Variants in ENTREP2 observed in about 807,000 individuals in gnomAD.
The protein encoded by ENTREP2 is endosomal transmembrane epsin interactor 2, also known as protein ENTREP2.
At chr15:29,472,842 T>C in the ENTREP2 span, among the ~76,000 whole-genome samples, 14 of 152,240 alleles carry the variant, frequency 9.2e-5, no homozygotes, top group African/African-American at 3.4e-4. Context: ...ATCTCCCTTT[T>C]ATCCATTTTT....
chr15:29,376,426 C>T, the ENTREP2 span: 1 of 151,986 alleles, frequency 6.6e-6, no homozygotes, highest in African/African-American at 2.4e-5. Flanking sequence ...ACAATGATCT[C>T]AATCATAGAA....
the ENTREP2 span, among the ~76,000 whole-genome samples, chr15:29,642,487 A>G: frequency 3.4e-5 from 5 of 147,522 alleles, no homozygotes; most frequent in Non-Finnish European, 4.5e-5. Context: ...ATACACATAT[A>G]TACATATATA....
At chr15:29,118,834 G>A in the ENTREP2 span, among the ~76,000 whole-genome samples, 2 of 152,166 alleles carry the variant, frequency 1.3e-5, no homozygotes, top group South Asian at 2.1e-4. Flanking sequence ...CCGTTCTGGT[G>A]TCACCTGGTG....
the ENTREP2 span, among the ~76,000 whole-genome samples, chr15:29,153,087 C>A: frequency 1.3e-5 from 2 of 150,770 alleles, no homozygotes; most frequent in African/African-American, 4.9e-5. Context: ...TAGAGATCCT[C>A]TTTGGTAAAA....
At chr15:29,435,545 C>A in the ENTREP2 span, among the ~76,000 whole-genome samples, 1 of 151,934 alleles carries the variant, frequency 6.6e-6, no homozygotes, top group African/African-American at 2.4e-5. Context: ...GCCTTCAAAC[C>A]ATCTTTATAG....
the ENTREP2 span, among the ~76,000 whole-genome samples, chr15:29,558,540 C>A: frequency 1.3e-5 from 2 of 151,000 alleles, no homozygotes; most frequent in Non-Finnish European, 3.0e-5. Context: ...TCAAACCCTT[C>A]ACCCAGGTGG....
At chr15:29,169,701 G>C in the ENTREP2 span, among the ~76,000 whole-genome samples, 1 of 152,210 alleles carries the variant, frequency 6.6e-6, no homozygotes, top group African/African-American at 2.4e-5. Context: ...AATCTCAATA[G>C]ATGCAAAATA....
At chr15:29,617,223 G>A in the ENTREP2 span, among the ~76,000 whole-genome samples, 2 of 152,146 alleles carry the variant, frequency 1.3e-5, no homozygotes, top group Non-Finnish European at 2.9e-5. Context: ...AGAGAACCTG[G>A]GGAGCTTATG....
chr15:29,654,749 G>A, the ENTREP2 span, among the ~76,000 whole-genome samples: 2 of 152,154 alleles, frequency 1.3e-5, no homozygotes, highest in Non-Finnish European at 2.9e-5. Flanking sequence ...GAACTTTCTT[G>A]ATAAAGTGTT....
At chr15:29,241,857 A>ACC in the ENTREP2 span, among the ~76,000 whole-genome samples, 6 of 150,250 alleles carry the variant, frequency 4.0e-5, no homozygotes, top group South Asian at 2.1e-4. Context: ...ATACAGTGAG[A>ACC]CCCCCCCCCA....
the ENTREP2 span, among the ~76,000 whole-genome samples, chr15:29,392,930 T>A: frequency 0.087 from 13,287 of 152,270 alleles, 797 homozygotes; most frequent in African/African-American, 0.15. Context: ...GCACTGTGTC[T>A]AATCAGCTGT....
chr15:29,414,609 C>T, the ENTREP2 span, among the ~76,000 whole-genome samples: 1 of 152,104 alleles, frequency 6.6e-6, no homozygotes, highest in Non-Finnish European at 1.5e-5. Flanking sequence ...CAAGAGCAAA[C>T]ACATTCAAAA....
chr15:29,133,740 C>T, the ENTREP2 span, among the ~76,000 whole-genome samples: 1 of 152,120 alleles, frequency 6.6e-6, no homozygotes, highest in Non-Finnish European at 1.5e-5. Flanking sequence ...TGTGGGGCTC[C>T]CTCTCTCACA....
chr15:29,574,790 G>A, the ENTREP2 span, among the ~76,000 whole-genome samples: 9 of 152,142 alleles, frequency 5.9e-5, no homozygotes, highest in African/African-American at 2.2e-4. Flanking sequence ...TAGACCCTTG[G>A]TAGCCTCTCT....
chr15:29,656,083 G>A, the ENTREP2 span, among the ~76,000 whole-genome samples: 2 of 144,262 alleles, frequency 1.4e-5, no homozygotes, highest in Non-Finnish European at 1.5e-5. Context: ...TTAAAGAGCA[G>A]AAAGAACAAA....
At chr15:29,674,172 A>C in the ENTREP2 span, among the ~76,000 whole-genome samples, 1 of 130,042 alleles carries the variant, frequency 7.7e-6, no homozygotes, top group African/African-American at 2.9e-5. Flanking sequence ...CCTGTGCCCC[A>C]GGGGACCAGG....
the ENTREP2 span, among the ~76,000 whole-genome samples, chr15:29,426,199 A>G: frequency 6.6e-6 from 1 of 152,160 alleles, no homozygotes; most frequent in African/African-American, 2.4e-5. Context: ...TGTATTTCTG[A>G]AAATCACTTT....
chr15:29,519,590 T>C, the ENTREP2 span, among the ~76,000 whole-genome samples: 1 of 152,244 alleles, frequency 6.6e-6, no homozygotes, highest in African/African-American at 2.4e-5. Flanking sequence ...ATACAGTATA[T>C]AATGCATGTA....
the ENTREP2 span, among the ~76,000 whole-genome samples, chr15:29,198,014 T>C: frequency 1.3e-5 from 2 of 152,160 alleles, no homozygotes; most frequent in African/African-American, 2.4e-5. Context: ...GGTATCAACA[T>C]GTCCGCCTCT....
Sources: allele counts gnomAD v4.1 joint callset (sites outside exome capture counted in the v4.1 genomes callset), GRCh38; gene constraint gnomAD v4.1.1; transcripts MANE v1.5; gene names NCBI Gene and HGNC (gene_info 2026-07-23, HGNC 2026-07-21).